Variants in ENPP2 observed in about 807,000 individuals in gnomAD.
ENPP2 encodes ectonucleotide pyrophosphatase/phosphodiesterase 2, also known as autotaxin.
ENPP2 carries 51 observed loss-of-function variants against 120.2 expected under a neutral mutation model. That is an observed-to-expected ratio of 0.42 (90% CI 0.34 to 0.54). The LOEUF (loss-of-function observed/expected upper bound fraction) is 0.54. Among genes scored for constraint, ENPP2 ranks in the 20% least tolerant of loss-of-function variants. The pLI is 0.04. For synonymous variants in ENPP2, 365 were observed against 366.4 expected, an observed-to-expected ratio of 1.00 and a Z score of 0.04; for missense variants, 920 against 1,066.5, an observed-to-expected ratio of 0.86 and a Z score of 1.91.
At chr8:119,608,707 T>G (rs1814894531) in intron 8 of ENPP2, among the ~76,000 whole-genome samples, 1 of 152,230 alleles carries the variant, frequency 6.6e-6, no homozygotes, top group African/African-American at 2.4e-5. Context: ...CATGTAGTCC[T>G]TTGGCAAGTT....
chr8:119,568,364 A>G (rs1814656359), intron 21 of ENPP2, 112 bp from the exon 22 acceptor site: 1 of 677,594 alleles, frequency 1.5e-6, no homozygotes, highest in Admixed American at 2.5e-5. Context: ...AACATGAAGT[A>G]AATGAATCTA....
chr8:119,597,963 T>C lies in ENPP2; in HGVS notation c.972+2715A>G, dbSNP rs536291088. Among the ~76,000 whole-genome samples, 4 of 152,312 alleles carry C rather than the reference T, an allele frequency of 2.6e-5. No homozygotes were observed. The East Asian group carries it at 7.7e-4, about 29-fold the overall frequency. ...AATCATTTCAATGAAATTTCAAATATAGGTTATTTTCTTATATGTAAAAGA... is the reference window on the plus strand; with the variant it reads ...AATCATTTCAATGAAATTTCAAATACAGGTTATTTTCTTATATGTAAAAGA... On this transcript the variant is annotated intron_variant, in intron 11 of 24. Coordinates refer to ENST00000075322, the MANE Select transcript of ENPP2 (RefSeq NM_001040092.3).
At chr8:119,664,385 A>G (rs922483386) in intron 1 of ENPP2, among the ~76,000 whole-genome samples, 2 of 152,150 alleles carry the variant, frequency 1.3e-5, no homozygotes, top group Non-Finnish European at 2.9e-5. Flanking sequence ...TCTCTCTAAA[A>G]CAGAAAGGAT....
chr8:119,643,418 A>G (rs1289555472), upstream of ENPP2, among the ~76,000 whole-genome samples: 1 of 152,242 alleles, frequency 6.6e-6, no homozygotes, highest in African/African-American at 2.4e-5. Context: ...CCAGTAGAAG[A>G]ACAGCATATA....
intron 19 of ENPP2, chr8:119,572,314 G>T: frequency 8.3e-7 from 1 of 1,205,122 alleles, no homozygotes; most frequent in Non-Finnish European, 1.2e-6. Context: ...AAGTTTTCAT[G>T]GTTACCACAC....
chr8:119,647,360 C>A (rs769302682), intron 1 of ENPP2, among the ~76,000 whole-genome samples: 2 of 152,082 alleles, frequency 1.3e-5, no homozygotes, highest in African/African-American at 2.4e-5. Flanking sequence ...GACCAATTAT[C>A]CTTGCACTAC....
At chr8:119,671,132 C>CAAA (rs371191607) in intron 1 of ENPP2, among the ~76,000 whole-genome samples, 5,399 of 115,108 alleles carry the variant, frequency 0.047, 256 homozygotes, top group African/African-American at 0.11. Flanking sequence ...ACTAAAAATA[C>CAAA]AAAAAAAAAA....
At chr8:119,640,811 C>G (rs1254764604), upstream of ENPP2, among the ~76,000 whole-genome samples, 1 of 152,060 alleles carries the variant, frequency 6.6e-6, no homozygotes, top group Non-Finnish European at 1.5e-5. Flanking sequence ...TGCAATGGCT[C>G]GATCTCGGCT....
intron 1 of ENPP2, among the ~76,000 whole-genome samples, chr8:119,659,526 C>G (rs1390785771): frequency 6.6e-6 from 1 of 152,108 alleles, no homozygotes; most frequent in African/African-American, 2.4e-5. Flanking sequence ...TCCAGGCTTC[C>G]CTGCCAGGAC....
At position 119,583,972 on chromosome 8, in the gene ENPP2, T is replaced by C; in HGVS notation, c.1445A>G (p.Asn482Ser). The C allele has an allele frequency of 1.2e-6, 2 of 1,612,768 alleles. No individual in the cohort carries two copies. The highest frequency in any genetic ancestry group is 1.7e-4 in the Middle Eastern group (1 of 6,058). The change falls in exon 16 of 25, where the codon AAC becomes AGC. Residue 482 changes from asparagine to serine, a missense_variant. Transcript: ENST00000075322. ...QGDHGFDNKVNSMQTVFVGYG... is the reference protein window; with the variant it reads ...QGDHGFDNKVSSMQTVFVGYG... ...GTTCTGCCATCATACCTGCATGCTG[T>C]TGACCTTGTTATCAAATCCGTGGTC...
At chr8:119,669,309 A>G (rs1164593923) in intron 1 of ENPP2, among the ~76,000 whole-genome samples, 1 of 152,210 alleles carries the variant, frequency 6.6e-6, no homozygotes, top group Non-Finnish European at 1.5e-5. Flanking sequence ...CCTGAAATCA[A>G]TGTTGTGAAC....
chr8:119,673,370 C>A, exon 1 of ENPP2: 2 of 1,389,046 alleles, frequency 1.4e-6, no homozygotes, highest in Non-Finnish European at 2.0e-6. Context: ...ACGGCTGCTG[C>A]GGACTGCTCT....
In ENPP2 at chr8:119,638,531, A is replaced by G; in HGVS notation, c.34-4T>C. The G allele has an allele frequency of 6.7e-7, 1 of 1,500,406 alleles. No homozygotes were observed. The highest frequency in any genetic ancestry group is 9.3e-7 in the Non-Finnish European group (1 of 1,076,202). The allele number at this position is 1,500,406 out of a possible 1,614,324, so 92.9% of individuals were successfully genotyped here. A position where few individuals can be genotyped will look rare whatever the true frequency, so the allele number is the denominator to read the frequency against. On this transcript the variant is annotated splice_region_variant and splice_polypyrimidine_tract_variant and intron_variant, in intron 1 of 24. Transcript: ENST00000075322. ...CAAAAGTGAACAGGGATATTATCTA[A>G]GAGAATAAAGAGACCAAGTTGTCAA...
intron 1 of ENPP2, among the ~76,000 whole-genome samples, chr8:119,657,991 A>AT (rs1817815606): frequency 6.6e-6 from 1 of 152,178 alleles, no homozygotes; most frequent in African/African-American, 2.4e-5. Context: ...TGAATGAATG[A>AT]TTTTTTGTCT....
At chr8:119,655,103 C>A (rs919788992) in intron 1 of ENPP2, among the ~76,000 whole-genome samples, 2 of 152,178 alleles carry the variant, frequency 1.3e-5, no homozygotes, top group Non-Finnish European at 2.9e-5. Flanking sequence ...ACACAGAACA[C>A]TTGTCAAGGG....
intron 1 of ENPP2, among the ~76,000 whole-genome samples, chr8:119,645,772 A>G (rs1431958869): frequency 1.3e-5 from 2 of 149,098 alleles, no homozygotes; most frequent in African/African-American, 2.5e-5. Flanking sequence ...CTGAGATCGC[A>G]CCATTGCACT....
chr8:119,665,741 T>C (rs1024801682), intron 1 of ENPP2, among the ~76,000 whole-genome samples: 5 of 152,214 alleles, frequency 3.3e-5, no homozygotes, highest in African/African-American at 1.2e-4. Context: ...ATATGTAACA[T>C]AAAATAAAAA....
At chr8:119,590,394 C>T (rs776564729) in intron 13 of ENPP2, 111 bp downstream of exon 13, 13 of 764,902 alleles carry the variant, frequency 1.7e-5, no homozygotes, top group Admixed American at 3.6e-5. Context: ...CTCAGCTAAG[C>T]GGTAGCAGAG....
At chr8:119,609,315 T>C (rs2130644337) in intron 8 of ENPP2, among the ~76,000 whole-genome samples, 1 of 152,224 alleles carries the variant, frequency 6.6e-6, no homozygotes, top group Non-Finnish European at 1.5e-5. Flanking sequence ...CAGGAGAACG[T>C]ACAGAGCACT....
Sources: allele counts gnomAD v4.1 joint callset (sites outside exome capture counted in the v4.1 genomes callset), GRCh38; gene constraint gnomAD v4.1.1; transcripts MANE v1.5; gene names NCBI Gene and HGNC (gene_info 2026-07-23, HGNC 2026-07-21).